MAP1B: variants seen among roughly 807,000 people sequenced by gnomAD.
MAP1B encodes the protein microtubule associated protein 1B.
In MAP1B, 12 loss-of-function variants were observed where a neutral mutation model predicts 176.1. The observed-to-expected ratio is 0.07, with a 90% CI of 0.04 to 0.11. MAP1B has a LOEUF of 0.11. MAP1B is among the 10% of genes least tolerant of loss of function. The pLI is 1.00. For missense variants in MAP1B, 2,523 were observed against 2,990.5 expected (o/e 0.84, Z 3.65); for synonymous variants, 1,044 against 1,135.0 (o/e 0.92, Z 1.61).
In MAP1B at chr5:72,199,794, C is replaced by T. The variant is rs1747286688; in HGVS notation, c.6439C>T (p.Pro2147Ser). 3.7e-6 allele frequency: 6 copies of T among 1,614,082 alleles called. No individual in the cohort carries two copies. Among genetic ancestry groups the T allele is most frequent in the Non-Finnish European group, 5.1e-6 (6 of 1,180,050 alleles). ...QQGRQCDETPPTSVSESAPSQ... is the reference protein window; with the variant it reads ...QQGRQCDETPSTSVSESAPSQ... The stretch of plus-strand genomic sequence containing the variant: ...GGGCCGACAGTGTGATGAAACCCCT[C>T]CCACCTCAGTCAGCGAGTCAGCCCC... Residue 2147 changes from proline (P) to serine (S), a missense_variant, in exon 5 of 7, where the codon CCC becomes TCC. This residue lies in a region of MAP1B where 287 missense variants were observed against 401.5 expected (regional missense o/e 0.71). Transcript: ENST00000296755. This position sits in a 1 kb window ranked among gnomAD's most constrained non-coding sequence, Gnocchi z 4.2.
At position 72,194,555 on chromosome 5, in the gene MAP1B, A is replaced by C; in HGVS notation, c.1200A>C (p.Arg400Ser). Residue 400 changes from arginine to serine, a missense_variant, in exon 5 of 7, where the codon AGA becomes AGC. Physicochemically the swap from Arg to Ser is moderately radical, Grantham distance 110 (BLOSUM62 -1). Coordinates refer to ENST00000296755, the MANE Select transcript of MAP1B (RefSeq NM_005909.5). The surrounding 1 kb of genome is among the most constrained non-coding windows in gnomAD (Gnocchi z 7.2). ...CCATGAAACCAGAACCTCTGTTTAG[A>C]AGTGTAGGCAATACTATTGATCCTG... ...KLSMKPEPLF[R>S]SVGNTIDPVI... The C allele has an allele frequency of 6.2e-7, 1 of 1,614,104 alleles. No homozygotes were observed. The highest frequency in any genetic ancestry group is 8.5e-7 in the Non-Finnish European group (1 of 1,180,026).
At chr5:72,114,657 CT>C (rs376089947) in intron 1 of MAP1B, among the ~76,000 whole-genome samples, 24 of 152,342 alleles carry the variant, frequency 1.6e-4, no homozygotes, top group African/African-American at 5.8e-4. Flanking sequence ...GGTTCCCCAA[CT>C]TTCCCTGGCT....
At position 72,200,117 on chromosome 5, in the gene MAP1B, A is replaced by G. The variant is rs750670977; in HGVS notation, c.6762A>G (p.Ser2254=). The G allele has an allele frequency of 4.3e-6, 7 of 1,614,268 alleles. No homozygotes were observed. The Admixed American group carries it at 6.7e-5, about 15-fold the overall frequency. ...KTKKPGTKTK[S]SSPVKKSDGK... ...AAAAGCCAGGTACAAAGACCAAGTC[A>G]TCTTCACCTGTCAAAAAGAGTGATG... Residue 2254 remains serine, a synonymous_variant, in exon 5 of 7, where the codon TCA becomes TCG. Transcript: ENST00000296755.
chr5:72,119,989 C>T (rs773989162), intron 2 of MAP1B, among the ~76,000 whole-genome samples: 16 of 152,078 alleles, frequency 1.1e-4, no homozygotes, highest in Non-Finnish European at 1.6e-4. Context: ...TTTCATTTTC[C>T]GTTGCCATTT....
rs573145611 is a variant in MAP1B, at chr5:72,167,853, ATT to A, written c.287-15888_287-15887del. On this transcript the variant is annotated intron_variant, in intron 2 of 6. Coordinates refer to ENST00000296755, the MANE Select transcript of MAP1B (RefSeq NM_005909.5). Reference sequence around the variant, plus strand: ...TACGAAACAGGAACTTTTATAATGAATTTGATTAGATGTGACGGAAGGAAATG... The same window carrying A: ...TACGAAACAGGAACTTTTATAATGAATGATTAGATGTGACGGAAGGAAATG... Among the ~76,000 whole-genome samples the A allele has an allele frequency of 4.5e-3, 682 of 152,340 alleles. 4 individuals carry two copies. Among genetic ancestry groups the A allele is most frequent in the Non-Finnish European group, 7.2e-3 (490 of 68,034 alleles).
rs779024737 is a variant in MAP1B, at chr5:72,195,571, C to T, written c.2216C>T (p.Ala739Val). The T allele has an allele frequency of 6.2e-7, 1 of 1,612,616 alleles. No individual in the cohort carries two copies. The highest frequency in any genetic ancestry group is 2.2e-5 in the East Asian group (1 of 44,860). ...GAAATTAAGAAGCTCCCTAAAGACG[C>T]AAAGAAATCATCTACTCCTCTGTCT... is the stretch of plus-strand genomic sequence containing the variant. ...KKEIKKLPKD[A>V]KKSSTPLSEA... The change falls in exon 5 of 7, where the codon GCA becomes GTA. Residue 739 changes from alanine (A) to valine (V), a missense_variant. This residue lies in a region of MAP1B where 1,925 missense variants were observed against 2,126.0 expected (regional missense o/e 0.91). Coordinates refer to ENST00000296755, the MANE Select transcript of MAP1B (RefSeq NM_005909.5).
At chr5:72,139,315 G>A (rs1364844802) in intron 2 of MAP1B, among the ~76,000 whole-genome samples, 1 of 152,200 alleles carries the variant, frequency 6.6e-6, no homozygotes, top group African/African-American at 2.4e-5. Context: ...ACAGTGCAGT[G>A]TACTGGGGCT....
chr5:72,201,114 G>C (rs555401314), intron 5 of MAP1B, among the ~76,000 whole-genome samples: 1 of 152,112 alleles, frequency 6.6e-6, no homozygotes, highest in South Asian at 2.1e-4. Context: ...TGTAATTTCA[G>C]CACTTTGGGA....
chr5:72,191,391 C>T (rs1747023875), intron 4 of MAP1B, among the ~76,000 whole-genome samples: 1 of 152,242 alleles, frequency 6.6e-6, no homozygotes, highest in Non-Finnish European at 1.5e-5. Context: ...TTATGGTTCT[C>T]ATCTATTCAT....
intron 2 of MAP1B, among the ~76,000 whole-genome samples, chr5:72,148,743 C>A (rs2112163025): frequency 6.6e-6 from 1 of 152,350 alleles, no homozygotes; most frequent in African/African-American, 2.4e-5. Context: ...ACTCCTTGCT[C>A]TTTAATGCTC....
intron 2 of MAP1B, among the ~76,000 whole-genome samples, chr5:72,176,622 T>C (rs146682168): frequency 1.1e-3 from 163 of 152,368 alleles, no homozygotes; most frequent in African/African-American, 3.8e-3. Context: ...ATGGACTCTC[T>C]GGTGATCAAA....
intron 2 of MAP1B, among the ~76,000 whole-genome samples, chr5:72,143,170 T>A (rs1047514553): frequency 1.5e-4 from 23 of 152,206 alleles, no homozygotes; most frequent in East Asian, 7.7e-4. Context: ...AGAAGCTGTA[T>A]AATTTTATCA....
chr5:72,139,829 A>C (rs1206451809), intron 2 of MAP1B, among the ~76,000 whole-genome samples: 1 of 152,236 alleles, frequency 6.6e-6, no homozygotes, highest in Non-Finnish European at 1.5e-5. Context: ...AGATGGTTTT[A>C]AAATTGAGAC....
chr5:72,163,917 T>TC (rs1746373521), intron 2 of MAP1B, among the ~76,000 whole-genome samples: 1 of 81,752 alleles, frequency 1.2e-5, no homozygotes, highest in African/African-American at 4.9e-5. Context: ...TCTCTCTCTC[T>TC]TTTTTTTTTT....
In MAP1B at chr5:72,195,008, A is replaced by C. The variant is rs1184614876; in HGVS notation, c.1653A>C (p.Pro551=). The change falls in exon 5 of 7, where the codon CCA becomes CCC. Residue 551 remains proline (P), a synonymous_variant. Coordinates refer to ENST00000296755, the MANE Select transcript of MAP1B (RefSeq NM_005909.5). ...AAAGTCTGAAGCCAGCCGCAAAACC[A>C]CTTCCTAGCAAATCCGTGCGCAAGG... ...SRESLKPAAK[P]LPSKSVRKES... 2 of 1,613,752 alleles carry C rather than the reference A, an allele frequency of 1.2e-6. No homozygotes were observed. Among genetic ancestry groups the C allele is most frequent in the African/African-American group, 2.7e-5 (2 of 74,864 alleles).
chr5:72,201,449 GT>G (rs11312127), intron 5 of MAP1B, among the ~76,000 whole-genome samples: 95,833 of 152,150 alleles, frequency 0.63, 31,672 homozygotes, highest in African/African-American at 0.84. Flanking sequence ...GATCATTCAT[GT>G]TTTTGGTCAT....
intron 2 of MAP1B, among the ~76,000 whole-genome samples, chr5:72,154,040 T>C (rs1337163902): frequency 1.3e-5 from 2 of 152,224 alleles, no homozygotes; most frequent in Non-Finnish European, 2.9e-5. Flanking sequence ...TCACATATTG[T>C]ACAAAAGTAA....
rs1167686211 is a variant in MAP1B at position 72,199,699 on chromosome 5, C to A, written c.6344C>A (p.Pro2115His). ...CTTGAGTGGTTTGCCAGTGAAGAAC[C>A]CACTGAAGAATCTGAAAAGCCCCTC... The part of the protein sequence containing the change: ...NPLEWFASEE[P>H]TEESEKPLTQ... The change falls in exon 5 of 7, where the codon CCC (proline) becomes CAC (histidine). Residue 2115 changes from proline to histidine, a missense_variant. Physicochemically the swap from Pro to His is moderately conservative, Grantham distance 77. Around this residue, in one of 4 missense-constraint regions of MAP1B, gnomAD observed 1,925 missense variants for 2,126.0 expected, o/e 0.91. Coordinates refer to ENST00000296755, the MANE Select transcript of MAP1B (RefSeq NM_005909.5). The surrounding 1 kb of genome is among the most constrained non-coding windows in gnomAD (Gnocchi z 4.2). 1 of 1,614,154 alleles carries A rather than the reference C, an allele frequency of 6.2e-7. No homozygotes were observed. The highest frequency in any genetic ancestry group is 8.5e-7 in the Non-Finnish European group (1 of 1,180,028).
intron 2 of MAP1B, among the ~76,000 whole-genome samples, chr5:72,178,390 C>T (rs1469930333): frequency 6.6e-6 from 1 of 152,220 alleles, no homozygotes; most frequent in African/African-American, 2.4e-5. Context: ...TCAACCCAGT[C>T]CTTTTTTATC....
Sources: allele counts gnomAD v4.1 joint callset (sites outside exome capture counted in the v4.1 genomes callset), GRCh38; gene constraint gnomAD v4.1.1; regional missense constraint gnomAD v4.1.1; non-coding constraint Gnocchi (gnomAD v3.1); transcripts MANE v1.5; gene names NCBI Gene and HGNC (gene_info 2026-07-23, HGNC 2026-07-21).